Variants in MOB1B observed in about 807,000 individuals in gnomAD.
MOB1B encodes the protein MOB kinase activator 1B, also known as MOB1 Mps One Binder homolog B.
A neutral mutation model predicts 24.4 loss-of-function variants in MOB1B; 19 were observed. The observed-to-expected ratio is 0.78, with a 90% CI of 0.54 to 1.14. MOB1B has a LOEUF of 1.14. MOB1B is among the 50% of genes most tolerant of loss of function. The pLI is 0.00. For synonymous variants in MOB1B, 76 were observed against 82.1 expected (o/e 0.93, Z 0.40); for missense variants, 243 against 259.6 (o/e 0.94, Z 0.44).
intron 1 of MOB1B, among the ~76,000 whole-genome samples, chr4:70,940,957 GCCA>G (rs1022475869): frequency 3.3e-5 from 5 of 151,824 alleles, no homozygotes; most frequent in African/African-American, 1.2e-4. Flanking sequence ...ACAGGCGTGA[GCCA>G]CCACGCCCGG....
At chr4:70,956,031 C>G (rs1018245389) in intron 1 of MOB1B, among the ~76,000 whole-genome samples, 16 of 151,980 alleles carry the variant, frequency 1.1e-4, no homozygotes, top group Non-Finnish European at 2.4e-4. Flanking sequence ...ACTGCCATAC[C>G]TAACATTTAT....
At chr4:70,928,781 T>C (rs1736759163) in intron 1 of MOB1B, among the ~76,000 whole-genome samples, 1 of 152,094 alleles carries the variant, frequency 6.6e-6, no homozygotes, top group Non-Finnish European at 1.5e-5. Flanking sequence ...AGACACGGGG[T>C]CTTGCTATGT....
At chr4:70,932,190 A>G (rs1192443714) in intron 1 of MOB1B, among the ~76,000 whole-genome samples, 1 of 152,188 alleles carries the variant, frequency 6.6e-6, no homozygotes, top group East Asian at 1.9e-4. Flanking sequence ...TTGTATGCCA[A>G]GTGGTGCTCT....
At position 70,959,000 on chromosome 4, in the gene MOB1B, T is replaced by TC; in HGVS notation, c.143dup (p.Glu49Ter). On this transcript the variant is annotated frameshift_variant, in exon 2 of 6. Transcript: ENST00000309395. LOFTEE classifies it high-confidence loss of function. ...GCAACCTTCGGATGGCTGTCATGCTTCCTGAAGGGGAAGATCTCAATGAAT... is the reference window on the plus strand; with the variant it reads ...GCAACCTTCGGATGGCTGTCATGCTTCCCTGAAGGGGAAGATCTCAATGAAT... 6.2e-7 allele frequency: 1 copy of TC among 1,614,110 alleles called. No homozygotes were observed. Among genetic ancestry groups the TC allele is most frequent in the South Asian group, 1.1e-5 (1 of 91,054 alleles).
chr4:70,987,653 T>C lies in MOB1B; in HGVS notation c.*5596T>C, dbSNP rs187239889. ...TGCATAGAATTAACACTAGGAACAG[T>C]GTCATGAAATCTGGGTTGAAGGAGA... is the stretch of plus-strand genomic sequence containing the variant. On this transcript the variant is annotated 3_prime_UTR_variant, in exon 6 of 6. Coordinates refer to ENST00000309395, the MANE Select transcript of MOB1B (RefSeq NM_173468.4). The C allele has an allele frequency of 6.6e-6, 1 of 152,300 alleles. No homozygotes were observed. The allele number at this position is 152,300 out of a possible 1,614,324, so 9.4% of individuals were successfully genotyped here.
At chr4:70,927,219 C>T (rs566529219) in intron 1 of MOB1B, among the ~76,000 whole-genome samples, 2 of 151,842 alleles carry the variant, frequency 1.3e-5, no homozygotes, top group South Asian at 2.1e-4. Flanking sequence ...AGTCTGTGTT[C>T]ATCAAAAATT....
intron 1 of MOB1B, among the ~76,000 whole-genome samples, chr4:70,910,434 CACAT>C (rs1381802597): frequency 1.3e-5 from 2 of 151,210 alleles, no homozygotes; most frequent in African/African-American, 2.4e-5. Context: ...CATATATACA[CACAT>C]ATGTATGTAT....
intron 1 of MOB1B, among the ~76,000 whole-genome samples, chr4:70,944,644 G>A (rs149998801): frequency 1.0e-3 from 155 of 152,246 alleles, no homozygotes; most frequent in African/African-American, 3.5e-3. Context: ...AGGAAGCATC[G>A]TGGCATCAGC....
intron 1 of MOB1B, 36 bp downstream of exon 1, chr4:70,902,586 C>T (rs1367377165): frequency 1.2e-5 from 19 of 1,539,234 alleles, no homozygotes; most frequent in African/African-American, 2.8e-5. Context: ...CGGCTTTGTT[C>T]GGGTGGACCT....
chr4:70,920,482 C>G (rs1207762991), intron 1 of MOB1B, among the ~76,000 whole-genome samples: 2 of 152,194 alleles, frequency 1.3e-5, no homozygotes, highest in Non-Finnish European at 2.9e-5. Context: ...GCCTCGGCCT[C>G]CTAAAGTGCT....
chr4:70,970,147 T>G, intron 3 of MOB1B, 123 bp downstream of exon 3: 1 of 596,638 alleles, frequency 1.7e-6, no homozygotes, highest in Non-Finnish European at 2.9e-6. Context: ...TGCCAGTGAC[T>G]ATTAATCTAG....
chr4:70,981,192 G>A (rs1427466053), intron 5 of MOB1B, among the ~76,000 whole-genome samples: 1 of 152,130 alleles, frequency 6.6e-6, no homozygotes, highest in Non-Finnish European at 1.5e-5. Flanking sequence ...CTTGGGCTTG[G>A]TCCTGTTATT....
chr4:70,943,066 G>A (rs1165784240), intron 1 of MOB1B, among the ~76,000 whole-genome samples: 1 of 152,104 alleles, frequency 6.6e-6, no homozygotes, highest in African/African-American at 2.4e-5. Flanking sequence ...TTAAAAGAGT[G>A]TATGCTTTTT....
At chr4:70,936,073 G>T (rs932287692) in intron 1 of MOB1B, among the ~76,000 whole-genome samples, 27 of 151,936 alleles carry the variant, frequency 1.8e-4, no homozygotes, top group African/African-American at 6.5e-4. Flanking sequence ...GGATGGTCTC[G>T]ATCTCCTGAC....
At chr4:70,912,875 C>T (rs1247999632) in intron 1 of MOB1B, among the ~76,000 whole-genome samples, 2 of 152,224 alleles carry the variant, frequency 1.3e-5, no homozygotes, top group East Asian at 1.9e-4. Flanking sequence ...ATCCTCCCAT[C>T]TCAGCCTCCT....
chr4:70,955,531 C>G (rs908420474), intron 1 of MOB1B, among the ~76,000 whole-genome samples: 1 of 127,962 alleles, frequency 7.8e-6, no homozygotes, highest in Non-Finnish European at 1.5e-5. Context: ...AGTGCAATGG[C>G]GTGATCTCGG....
chr4:70,922,943 C>G (rs1356597706), intron 1 of MOB1B, among the ~76,000 whole-genome samples: 4 of 151,996 alleles, frequency 2.6e-5, no homozygotes, highest in Non-Finnish European at 5.9e-5. Context: ...TTACTTTGCC[C>G]CAATAGATAA....
At chr4:70,978,851 G>C (rs1319397611) in intron 4 of MOB1B, among the ~76,000 whole-genome samples, 1 of 152,228 alleles carries the variant, frequency 6.6e-6, no homozygotes, top group Non-Finnish European at 1.5e-5. Context: ...TCTTGGGTGT[G>C]TGTGTGTGTG....
chr4:70,940,681 T>C (rs1488964408), intron 1 of MOB1B, among the ~76,000 whole-genome samples: 1 of 151,762 alleles, frequency 6.6e-6, no homozygotes, highest in Non-Finnish European at 1.5e-5. Context: ...CATTAATTTT[T>C]TTTTTTTTTT....
Sources: gnomAD v4.1 joint callset for allele counts (sites outside exome capture counted in the v4.1 genomes callset) on GRCh38, gnomAD v4.1.1 for gene constraint, MANE v1.5 for transcripts, NCBI Gene and HGNC (gene_info 2026-07-23, HGNC 2026-07-21) for gene names.